WDR27: variants seen among roughly 807,000 people sequenced by gnomAD.
WDR27 encodes the protein WD repeat domain 27.
A neutral mutation model predicts 114.4 loss-of-function variants in WDR27; 100 were observed. The ratio of observed to expected loss-of-function variants is 0.87; its 90% CI spans 0.74 to 1.03. The LOEUF (loss-of-function observed/expected upper bound fraction) is 1.03, where lower values mean the gene tolerates loss of function less well. WDR27 is among the 50% of genes least tolerant of loss of function. The pLI is 0.00. For missense variants in WDR27, 1,129 were observed against 1,092.9 expected, an observed-to-expected ratio of 1.03 and a Z score of -0.47; for synonymous variants, 449 against 423.1, an observed-to-expected ratio of 1.06 and a Z score of -0.75.
intron 25 of WDR27, among the ~76,000 whole-genome samples, chr6:169,501,078 G>A (rs75323593): frequency 0.013 from 2,050 of 152,360 alleles, 44 homozygotes; most frequent in African/African-American, 0.046. Flanking sequence ...GAAGGCAGTA[G>A]AGAGGGAGAA....
chr6:169,695,399 G>C (rs115662159), intron 1 of WDR27, among the ~76,000 whole-genome samples: 1 of 152,170 alleles, frequency 6.6e-6, no homozygotes, highest in Non-Finnish European at 1.5e-5. Flanking sequence ...TTTTGGATAC[G>C]TTATGTCAAA....
At chr6:169,640,423 G>A (rs186098194) in intron 17 of WDR27, among the ~76,000 whole-genome samples, 1 of 152,266 alleles carries the variant, frequency 6.6e-6, no homozygotes, top group East Asian at 1.9e-4. Flanking sequence ...GCAGAAAAAC[G>A]TGAAATAGCT....
chr6:169,474,793 A>C, intron 25 of WDR27, among the ~76,000 whole-genome samples: 1 of 152,248 alleles, frequency 6.6e-6, no homozygotes, highest in East Asian at 1.9e-4. Flanking sequence ...TGATAAAAAT[A>C]AATCCAGACC....
At chr6:169,447,392 G>C in the WDR27 span, among the ~76,000 whole-genome samples, 4 of 151,794 alleles carry the variant, frequency 2.6e-5, no homozygotes, top group Non-Finnish European at 2.9e-5. Context: ...AAACTTCCTG[G>C]GGTCATCAGG....
At chr6:169,471,662 C>A (rs956797032) in intron 25 of WDR27, among the ~76,000 whole-genome samples, 1 of 152,196 alleles carries the variant, frequency 6.6e-6, no homozygotes, top group African/African-American at 2.4e-5. Context: ...CCCTGACCAC[C>A]TTGGCTTTTC....
Position 169,660,265 on chromosome 6 carries a change from G to C in WDR27, c.1129+398C>G, listed in dbSNP as rs555341460. Among the ~76,000 whole-genome samples the C allele has an allele frequency of 2.0e-5, 3 of 152,276 alleles. No homozygotes were observed. In the East Asian group the frequency reaches 5.8e-4, roughly 29 times the overall value. On this transcript the variant is annotated intron_variant, in intron 10 of 25. Coordinates refer to ENST00000448612, the MANE Select transcript of WDR27 (RefSeq NM_182552.5). ...TGGCAGAAACTGGGGAAGGGAGCCAGGGTTGGAGAGGAGTGCGCCTCGGCC... is the reference window on the plus strand; with the variant it reads ...TGGCAGAAACTGGGGAAGGGAGCCACGGTTGGAGAGGAGTGCGCCTCGGCC...
chr6:169,683,479 T>TA (rs1269106570), intron 2 of WDR27, among the ~76,000 whole-genome samples: 1 of 151,658 alleles, frequency 6.6e-6, no homozygotes, highest in Non-Finnish European at 1.5e-5. Flanking sequence ...GACTAAGTGA[T>TA]ATCAGCAAGA....
the WDR27 span, among the ~76,000 whole-genome samples, chr6:169,439,379 CTG>C: frequency 3.3e-5 from 5 of 151,996 alleles, no homozygotes; most frequent in African/African-American, 1.2e-4. Flanking sequence ...ATAACTGTGA[CTG>C]TTCTAATTTT....
At chr6:169,428,608 A>AGGGGGGGGGGGGGGGGGGGG in the WDR27 span, among the ~76,000 whole-genome samples, 4 of 114,466 alleles carry the variant, frequency 3.5e-5, no homozygotes, top group South Asian at 3.2e-4. Context: ...GGCGGGGGGG[A>AGGGGGGGGGGGGGGGGGGGG]GGGGGGGGTT....
intron 25 of WDR27, among the ~76,000 whole-genome samples, chr6:169,501,144 ATTCTT>A (rs1456545367): frequency 2.6e-5 from 4 of 152,252 alleles, no homozygotes; most frequent in Non-Finnish European, 5.9e-5. Flanking sequence ...GCGGCTGGGC[ATTCTT>A]TTCACCCACT....
At chr6:169,667,417 T>G in intron 5 of WDR27, 1 of 1,226,428 alleles carries the variant, frequency 8.2e-7, no homozygotes, top group Non-Finnish European at 1.0e-6. Flanking sequence ...CTGGTGGATT[T>G]GAAGAATTGG....
chr6:169,491,492 G>T (rs1386606793), intron 25 of WDR27, among the ~76,000 whole-genome samples: 3 of 151,578 alleles, frequency 2.0e-5, no homozygotes, highest in African/African-American at 4.8e-5. Flanking sequence ...CATATATATA[G>T]AAATTATATA....
At chr6:169,542,000 C>T (rs1240275834) in intron 25 of WDR27, among the ~76,000 whole-genome samples, 1 of 152,162 alleles carries the variant, frequency 6.6e-6, no homozygotes, top group Admixed American at 6.5e-5. Context: ...ACTGCTCCTG[C>T]TTCAAACTCT....
At chr6:169,561,991 G>A (rs939886888) in intron 25 of WDR27, among the ~76,000 whole-genome samples, 1 of 152,116 alleles carries the variant, frequency 6.6e-6, no homozygotes, top group Admixed American at 6.5e-5. Flanking sequence ...TCACAATGAA[G>A]GTGTCTACTC....
At chr6:169,456,468 A>G (rs1022278671), downstream of WDR27, among the ~76,000 whole-genome samples, 2 of 152,196 alleles carry the variant, frequency 1.3e-5, no homozygotes, top group African/African-American at 4.8e-5. The surrounding 1 kb of genome is among the most constrained non-coding windows in gnomAD (Gnocchi z 4.0). Flanking sequence ...TGGTCCCAGG[A>G]GTCCTCACAT....
Position 169,649,287 on chromosome 6 carries a change from A to C in WDR27, c.1482-12T>G, listed in dbSNP as rs1335171844. On this transcript the variant is annotated splice_polypyrimidine_tract_variant and intron_variant, in intron 14 of 25. Coordinates refer to ENST00000448612, the MANE Select transcript of WDR27 (RefSeq NM_182552.5). ...AAAACATAGTTACACTGTGGAAAGA[A>C]AACTCTAATATCACTCTCAAATATT... 6.4e-7 allele frequency: 1 copy of C among 1,554,564 alleles called. No homozygotes were observed.
chr6:169,593,466 C>T (rs1806165534), intron 23 of WDR27, among the ~76,000 whole-genome samples: 1 of 152,100 alleles, frequency 6.6e-6, no homozygotes, highest in Non-Finnish European at 1.5e-5. Flanking sequence ...CTTCTGCCTC[C>T]TCCTCATTTC....
chr6:169,555,375 G>A (rs1798730095), intron 25 of WDR27, among the ~76,000 whole-genome samples: 1 of 152,138 alleles, frequency 6.6e-6, no homozygotes, highest in Non-Finnish European at 1.5e-5. Context: ...CAGAGGAGGA[G>A]AGGGCTCTGG....
chr6:169,524,298 G>T (rs924018461), intron 25 of WDR27, among the ~76,000 whole-genome samples: 4 of 152,002 alleles, frequency 2.6e-5, no homozygotes, highest in Non-Finnish European at 5.9e-5. Context: ...ATTTTAAAAT[G>T]GAAAGATATT....
Sources: gnomAD v4.1 joint callset for allele counts (sites outside exome capture counted in the v4.1 genomes callset) on GRCh38, gnomAD v4.1.1 for gene constraint, Gnocchi (gnomAD v3.1) non-coding constraint, MANE v1.5 for transcripts, NCBI Gene and HGNC (gene_info 2026-07-23, HGNC 2026-07-21) for gene names.